CNBD1: variants seen among roughly 807,000 people sequenced by gnomAD.
The protein encoded by CNBD1 is cyclic nucleotide-binding domain-containing protein 1.
Under a neutral mutation model 54.4 loss-of-function variants are expected in CNBD1, and 71 were observed. The ratio of observed to expected loss-of-function variants is 1.30; its 90% CI spans 1.08 to 1.59. The LOEUF (loss-of-function observed/expected upper bound fraction) is 1.59, where lower values mean the gene tolerates loss of function less well. Ranked by LOEUF, CNBD1 falls within the 40% of genes most tolerant of loss-of-function variation. The pLI is 0.00. For synonymous variants in CNBD1, 182 were observed against 170.7 expected, an observed-to-expected ratio of 1.07 and a Z score of -0.51; for missense variants, 659 against 518.0, an observed-to-expected ratio of 1.27 and a Z score of -2.64.
chr8:87,088,898 A>G (rs1239060145), intron 4 of CNBD1, among the ~76,000 whole-genome samples: 1 of 152,168 alleles, frequency 6.6e-6, no homozygotes, highest in Non-Finnish European at 1.5e-5. Context: ...GTTAGAAGAA[A>G]TATGGCATGA....
At chr8:87,119,713 A>T (rs539911649) in intron 4 of CNBD1, among the ~76,000 whole-genome samples, 28 of 152,050 alleles carry the variant, frequency 1.8e-4, no homozygotes, top group Admixed American at 1.0e-3. Context: ...TGTTAGCTAT[A>T]GATTTGTCAT....
intron 4 of CNBD1, among the ~76,000 whole-genome samples, chr8:87,027,947 T>A (rs1250527323): frequency 6.6e-6 from 1 of 152,180 alleles, no homozygotes; most frequent in African/African-American, 2.4e-5. Flanking sequence ...CCTGATCAGC[T>A]GCAAACAAAA....
At chr8:87,271,254 C>T (rs553713117) in intron 6 of CNBD1, among the ~76,000 whole-genome samples, 50 of 151,300 alleles carry the variant, frequency 3.3e-4, no homozygotes, top group African/African-American at 1.1e-3. Context: ...TATTTTTTTT[C>T]AGTCTCAATT....
intron 8 of CNBD1, among the ~76,000 whole-genome samples, chr8:87,292,878 T>C (rs1449786236): frequency 1.3e-5 from 2 of 152,114 alleles, no homozygotes; most frequent in African/African-American, 2.4e-5. Flanking sequence ...GGAGTGAGGT[T>C]TCCTTTAGAA....
intron 2 of CNBD1, among the ~76,000 whole-genome samples, chr8:87,390,082 TATACA>T (rs1372884289): frequency 2.0e-5 from 3 of 150,886 alleles, no homozygotes; most frequent in Non-Finnish European, 4.4e-5. Flanking sequence ...CCTTACACCT[TATACA>T]AAAATTAATT....
At chr8:87,333,294 TA>T (rs1467220528) in intron 8 of CNBD1, among the ~76,000 whole-genome samples, 1 of 152,192 alleles carries the variant, frequency 6.6e-6, no homozygotes, top group Non-Finnish European at 1.5e-5. Flanking sequence ...GATGTTTTTC[TA>T]AATATACTAT....
intron 2 of CNBD1, among the ~76,000 whole-genome samples, chr8:86,899,610 T>C (rs1199236426): frequency 6.6e-6 from 1 of 152,180 alleles, no homozygotes; most frequent in Non-Finnish European, 1.5e-5. Flanking sequence ...TATATAACTT[T>C]TATATTTTAT....
At chr8:87,099,195 G>T (rs755061683) in intron 4 of CNBD1, among the ~76,000 whole-genome samples, 2 of 152,036 alleles carry the variant, frequency 1.3e-5, no homozygotes, top group Non-Finnish European at 2.9e-5. Context: ...TTTAAAAATG[G>T]AGAAAGGCTA....
At chr8:86,992,519 G>A (rs1249059117) in intron 4 of CNBD1, among the ~76,000 whole-genome samples, 1 of 151,946 alleles carries the variant, frequency 6.6e-6, no homozygotes, top group Non-Finnish European at 1.5e-5. Flanking sequence ...CATGTTGTTA[G>A]TTGGTTGTTT....
intron 5 of CNBD1, among the ~76,000 whole-genome samples, chr8:87,226,343 T>A (rs1357233703): frequency 1.3e-5 from 2 of 150,718 alleles, no homozygotes; most frequent in Admixed American, 1.3e-4. Flanking sequence ...AGGGTGTCAA[T>A]TTTGGATCTT....
chr8:87,165,097 T>C (rs1308238306), intron 4 of CNBD1, among the ~76,000 whole-genome samples: 1 of 151,956 alleles, frequency 6.6e-6, no homozygotes, highest in Non-Finnish European at 1.5e-5. Flanking sequence ...TTTTTTCCTA[T>C]TTTCATCCTA....
chr8:86,990,827 G>A (rs1268312583), intron 4 of CNBD1, among the ~76,000 whole-genome samples: 1 of 152,042 alleles, frequency 6.6e-6, no homozygotes, highest in Non-Finnish European at 1.5e-5. Flanking sequence ...CATGAACATG[G>A]AATATCTTTT....
chr8:87,327,690 G>A lies in CNBD1; in HGVS notation c.1043-23995G>A, dbSNP rs186739070. 5.4e-3 allele frequency among the ~76,000 whole-genome samples: 819 copies of A among 152,224 alleles called. 6 individuals are homozygous for A. Among genetic ancestry groups the A allele is most frequent in the African/African-American group, 0.019 (774 of 41,554 alleles). ...GCCCGGTGCGCACACCCACTGACCTGCGCCCACTGTCTGGCACTTCCTAGT... is the reference window on the plus strand; with the variant it reads ...GCCCGGTGCGCACACCCACTGACCTACGCCCACTGTCTGGCACTTCCTAGT... On this transcript the variant is annotated intron_variant, in intron 8 of 10. Transcript: ENST00000518476.
At chr8:87,248,080 G>T (rs1271867893) in intron 6 of CNBD1, among the ~76,000 whole-genome samples, 1 of 152,096 alleles carries the variant, frequency 6.6e-6, no homozygotes, top group Non-Finnish European at 1.5e-5. Flanking sequence ...TGGTGTTGTT[G>T]GTTGGCCAAA....
intron 10 of CNBD1, among the ~76,000 whole-genome samples, chr8:87,368,063 G>A (rs1318360496): frequency 6.6e-6 from 1 of 152,010 alleles, no homozygotes; most frequent in Non-Finnish European, 1.5e-5. Context: ...TCAGGAGGCT[G>A]AGGCAGGAGA....
intron 8 of CNBD1, among the ~76,000 whole-genome samples, chr8:87,312,400 C>T (rs1227300705): frequency 6.6e-6 from 1 of 151,974 alleles, no homozygotes; most frequent in Non-Finnish European, 1.5e-5. Context: ...GAATTTGTGT[C>T]AGTGGCATTT....
At chr8:87,046,561 C>T (rs1412840726) in intron 4 of CNBD1, among the ~76,000 whole-genome samples, 1 of 152,136 alleles carries the variant, frequency 6.6e-6, no homozygotes, top group East Asian at 1.9e-4. Flanking sequence ...CCAGGAACCA[C>T]AGAGAAAATA....
intron 4 of CNBD1, among the ~76,000 whole-genome samples, chr8:87,015,831 A>G (rs1209533810): frequency 4.6e-5 from 7 of 151,970 alleles, no homozygotes; most frequent in Non-Finnish European, 2.9e-5. Flanking sequence ...CAGTACAAAA[A>G]TTAGACTGGT....
At chr8:87,366,330 T>C (rs1810641618) in intron 10 of CNBD1, among the ~76,000 whole-genome samples, 1 of 152,064 alleles carries the variant, frequency 6.6e-6, no homozygotes, top group Non-Finnish European at 1.5e-5. Context: ...TCCTTGCAGC[T>C]GCAGAACTGA....
Sources: gnomAD v4.1 joint callset for allele counts (sites outside exome capture counted in the v4.1 genomes callset) on GRCh38, gnomAD v4.1.1 for gene constraint, MANE v1.5 for transcripts, NCBI Gene and HGNC (gene_info 2026-07-23, HGNC 2026-07-21) for gene names.